TMOD1: variants seen among roughly 807,000 people sequenced by gnomAD.
TMOD1 encodes tropomodulin 1.
TMOD1 carries 17 observed loss-of-function variants against 40.6 expected under a neutral mutation model. The observed-to-expected ratio is 0.42, with a 90% CI of 0.29 to 0.63. TMOD1 has a LOEUF of 0.63. TMOD1 is among the 20% of genes least tolerant of loss of function. The pLI, the probability that TMOD1 is intolerant of heterozygous loss-of-function variation, is 0.22. For missense variants in TMOD1, 391 were observed against 447.6 expected (o/e 0.87, Z 1.14); for synonymous variants, 181 against 175.0 (o/e 1.03, Z -0.27).
At position 97,600,477 on chromosome 9, in the gene TMOD1, T is replaced by TATG; in HGVS notation, c.*783_*785dup. 1.0e-6 allele frequency: 1 copy of TATG among 985,650 alleles called. No homozygotes were observed. Among genetic ancestry groups the TATG allele is most frequent in the South Asian group, 4.7e-5 (1 of 21,296 alleles). The allele number at this position is 985,650 out of a possible 1,614,324, so 61.1% of individuals were successfully genotyped here. A position where few individuals can be genotyped will look rare whatever the true frequency, so the allele number is the denominator to read the frequency against. Reference sequence around the variant, plus strand: ...CTTTTTCCTTATTGAATGCCAACCTTATGATGGATGTGAAAATCTACGGCC... The same window carrying TATG: ...CTTTTTCCTTATTGAATGCCAACCTTATGATGATGGATGTGAAAATCTACGGCC... On this transcript the variant is annotated 3_prime_UTR_variant, in exon 10 of 10. Coordinates refer to ENST00000259365, the MANE Select transcript of TMOD1 (RefSeq NM_003275.4).
chr9:97,599,935 G>C lies in TMOD1; in HGVS notation c.*237G>C. 12 of 1,290,734 alleles carry C rather than the reference G, an allele frequency of 9.3e-6. No homozygotes were observed. The highest frequency in any genetic ancestry group is 3.4e-5 in the East Asian group (1 of 29,284). The allele number at this position is 1,290,734 out of a possible 1,614,324, so 80.0% of individuals were successfully genotyped here. ...GAATCTGGTTATTATTTAAAAACTA[G>C]AAGCCCCCAAACCAGCAGATCTTAC... On this transcript the variant is annotated 3_prime_UTR_variant, in exon 10 of 10. Coordinates refer to ENST00000259365, the MANE Select transcript of TMOD1 (RefSeq NM_003275.4).
chr9:97,578,541 A>C (rs950847023), intron 8 of TMOD1, among the ~76,000 whole-genome samples: 4 of 152,304 alleles, frequency 2.6e-5, no homozygotes, highest in South Asian at 4.1e-4. Flanking sequence ...CTGGACACTA[A>C]TGTGAGAACT....
intron 8 of TMOD1, among the ~76,000 whole-genome samples, chr9:97,584,422 T>C (rs1286174117): frequency 6.6e-6 from 1 of 151,112 alleles, no homozygotes; most frequent in Non-Finnish European, 1.5e-5. Context: ...TACTTCCCAG[T>C]ATGTGGTCAA....
chr9:97,552,378 T>C (rs566824840), intron 3 of TMOD1, among the ~76,000 whole-genome samples: 1 of 152,348 alleles, frequency 6.6e-6, no homozygotes, highest in East Asian at 1.9e-4. Context: ...CAACCCATCC[T>C]GTCATCTTCT....
At chr9:97,533,814 T>A (rs1830138861) in intron 2 of TMOD1, among the ~76,000 whole-genome samples, 1 of 152,198 alleles carries the variant, frequency 6.6e-6, no homozygotes. Context: ...TCGCTACAAG[T>A]AACAGAGACT....
intron 1 of TMOD1, among the ~76,000 whole-genome samples, chr9:97,508,644 T>C (rs1319763961): frequency 6.6e-6 from 1 of 152,204 alleles, no homozygotes; most frequent in East Asian, 1.9e-4. Flanking sequence ...CATGGAGTAC[T>C]GGTAATGAGT....
chr9:97,563,263 G>A (rs973283042), intron 5 of TMOD1, among the ~76,000 whole-genome samples: 1 of 152,110 alleles, frequency 6.6e-6, no homozygotes, highest in African/African-American at 2.4e-5. Context: ...CCATTGCCCA[G>A]ACTGGTCTCG....
rs368653605 is a variant in TMOD1, at chr9:97,562,519, G to A, written c.398-213G>A. 2.6e-5 allele frequency among the ~76,000 whole-genome samples: 4 copies of A among 152,354 alleles called. No homozygotes were observed. The East Asian group carries it at 5.8e-4, about 22-fold the overall frequency. On this transcript the variant is annotated intron_variant, in intron 4 of 9. Transcript: ENST00000259365. The stretch of plus-strand genomic sequence containing the variant: ...GTGCCAGCAGGACATCAGGGAATCA[G>A]AGGCCAGGGGCAGAGCAGCCTGGGC...
chr9:97,588,856 C>T (rs965170373), intron 8 of TMOD1, among the ~76,000 whole-genome samples: 2 of 152,084 alleles, frequency 1.3e-5, no homozygotes, highest in Non-Finnish European at 2.9e-5. Flanking sequence ...CGCAGTGGCT[C>T]ACGCCTATGA....
At chr9:97,542,682 G>A (rs543926786) in intron 2 of TMOD1, among the ~76,000 whole-genome samples, 9 of 151,758 alleles carry the variant, frequency 5.9e-5, no homozygotes, top group South Asian at 4.2e-4. Context: ...GTGAAACCCC[G>A]CCTCTACTAG....
At chr9:97,599,554 CACAGTGCTTTCTCAGCA>C in intron 9 of TMOD1, 63 bp from the exon 10 acceptor site, 1 of 1,583,714 alleles carries the variant, frequency 6.3e-7, no homozygotes, top group Non-Finnish European at 8.7e-7. Context: ...TGCGAGGTTT[CACAGTGCTTTCTCAGCA>C]ACAGTGCTGG....
intron 2 of TMOD1, among the ~76,000 whole-genome samples, chr9:97,541,521 T>A (rs1441525884): frequency 1.3e-5 from 2 of 151,630 alleles, no homozygotes; most frequent in East Asian, 1.9e-4. Flanking sequence ...TTTTTTATTT[T>A]TTATTTTTTT....
At chr9:97,594,547 G>T (rs1826066632) in intron 9 of TMOD1, among the ~76,000 whole-genome samples, 1 of 152,192 alleles carries the variant, frequency 6.6e-6, no homozygotes, top group Non-Finnish European at 1.5e-5. Context: ...ATTCTCACCT[G>T]CCTCTGCTGG....
chr9:97,588,539 T>C (rs887354735), intron 8 of TMOD1, among the ~76,000 whole-genome samples: 1 of 152,186 alleles, frequency 6.6e-6, no homozygotes, highest in Non-Finnish European at 1.5e-5. Flanking sequence ...CCATTCTTTG[T>C]GTTGTCTTTT....
At chr9:97,508,275 G>A (rs59302285) in intron 1 of TMOD1, among the ~76,000 whole-genome samples, 14 of 151,872 alleles carry the variant, frequency 9.2e-5, no homozygotes, top group East Asian at 1.9e-4. Context: ...TGCAACCTCC[G>A]CCTCCCAGGT....
In TMOD1 at chr9:97,562,820, C is replaced by G. The variant is rs143283592; in HGVS notation, c.486C>G (p.Asn162Lys). 1 of 1,584,446 alleles carries G rather than the reference C, an allele frequency of 6.3e-7. No homozygotes were observed. The highest frequency in any genetic ancestry group is 1.9e-5 in the Admixed American group (1 of 53,970). The change falls in exon 5 of 10, where the codon AAC becomes AAG. Residue 162 changes from asparagine to lysine, a missense_variant and splice_region_variant. Transcript: ENST00000259365. Reference sequence around the variant, plus strand: ...CCATCATGAACAAGGAGGGGCTCAACAGTGAGTATGCGCCCGCCCCCAGGA... The same window carrying G: ...CCATCATGAACAAGGAGGGGCTCAAGAGTGAGTATGCGCCCGCCCCCAGGA... Reference protein sequence around the residue: ...SSSIMNKEGLNSVIKPTQYKP... With the variant: ...SSSIMNKEGLKSVIKPTQYKP...
intron 1 of TMOD1, among the ~76,000 whole-genome samples, chr9:97,515,481 T>C (rs1278907558): frequency 2.0e-5 from 3 of 152,046 alleles, no homozygotes; most frequent in Non-Finnish European, 4.4e-5. Context: ...GGTTTTGCCA[T>C]GTTGCCCAGG....
At chr9:97,547,225 C>T (rs986704355) in intron 3 of TMOD1, among the ~76,000 whole-genome samples, 2 of 151,786 alleles carry the variant, frequency 1.3e-5, no homozygotes, top group African/African-American at 4.8e-5. Context: ...CCTCCAATAT[C>T]CCCCTCATCC....
At chr9:97,586,211 T>G in intron 8 of TMOD1, among the ~76,000 whole-genome samples, 1 of 152,146 alleles carries the variant, frequency 6.6e-6, no homozygotes. Context: ...GTTTGTTAGT[T>G]TTCCTTCTAA....
Sources: allele counts gnomAD v4.1 joint callset (sites outside exome capture counted in the v4.1 genomes callset), GRCh38; gene constraint gnomAD v4.1.1; transcripts MANE v1.5; gene names NCBI Gene and HGNC (gene_info 2026-07-23, HGNC 2026-07-21).